Variants in PPP2R2B observed in about 807,000 individuals in gnomAD.
PPP2R2B encodes serine/threonine-protein phosphatase 2A 55 kDa regulatory subunit B beta isoform.
In PPP2R2B, 5 loss-of-function variants were observed where a neutral mutation model predicts 46.0. The ratio of observed to expected loss-of-function variants is 0.11; its 90% CI spans 0.06 to 0.23. The LOEUF (loss-of-function observed/expected upper bound fraction) is 0.23. Ranked by LOEUF, PPP2R2B falls within the 10% of genes least tolerant of loss-of-function variation. The pLI is 1.00. For synonymous variants in PPP2R2B, 215 were observed against 206.7 expected (o/e 1.04, Z -0.34); for missense variants, 367 against 575.0 (o/e 0.64, Z 3.70).
At position 146,691,254 on chromosome 5, in the gene PPP2R2B, C is replaced by T. The variant is rs750985171; in HGVS notation, c.335-14G>A. The T allele has an allele frequency of 8.7e-6, 14 of 1,607,230 alleles. No homozygotes were observed. The highest frequency in any genetic ancestry group is 1.2e-5 in the Non-Finnish European group (14 of 1,174,386). ...TCACAGTTTTATCTGTAGTGGGCAA[C>T]CAGATTAAGTCAGAATTATAGTGAA... On this transcript the variant is annotated splice_polypyrimidine_tract_variant and intron_variant, in intron 4 of 9. Coordinates refer to ENST00000394411, the MANE Select transcript of PPP2R2B (RefSeq NM_181675.4).
chr5:147,030,821 C>A (rs943907674), intron 1 of PPP2R2B, among the ~76,000 whole-genome samples: 1 of 152,052 alleles, frequency 6.6e-6, no homozygotes, highest in African/African-American at 2.4e-5. Flanking sequence ...CTTTACATGA[C>A]GTTATTATTT....
intron 2 of PPP2R2B, among the ~76,000 whole-genome samples, chr5:146,786,865 T>C (rs1446698590): frequency 1.3e-5 from 2 of 152,242 alleles, no homozygotes; most frequent in African/African-American, 4.8e-5. Flanking sequence ...TTTTCTTTAA[T>C]TCAATCATCT....
At chr5:147,077,272 G>GTATA (rs200121786) in intron 2 of PPP2R2B, among the ~76,000 whole-genome samples, 25 of 108,950 alleles carry the variant, frequency 2.3e-4, no homozygotes, top group African/African-American at 8.4e-4. Flanking sequence ...ATGTATGTGT[G>GTATA]TATACACACA....
chr5:146,954,893 C>A (rs1751813743), intron 1 of PPP2R2B, among the ~76,000 whole-genome samples: 1 of 151,940 alleles, frequency 6.6e-6, no homozygotes, highest in African/African-American at 2.4e-5. Flanking sequence ...CAGGTACAAT[C>A]CCATAGTGTA....
At chr5:146,965,466 C>T (rs1047925800) in intron 1 of PPP2R2B, among the ~76,000 whole-genome samples, 6 of 152,128 alleles carry the variant, frequency 3.9e-5, no homozygotes, top group African/African-American at 1.2e-4. Context: ...AGCAACTTTC[C>T]CTCTCTGTGA....
At chr5:147,074,609 T>G (rs944958932) in intron 2 of PPP2R2B, among the ~76,000 whole-genome samples, 1 of 152,160 alleles carries the variant, frequency 6.6e-6, no homozygotes, top group African/African-American at 2.4e-5. Flanking sequence ...TTTTTTCTGG[T>G]GACAGCAAAG....
chr5:147,022,368 T>G (rs1306966674), intron 1 of PPP2R2B, among the ~76,000 whole-genome samples: 3 of 151,222 alleles, frequency 2.0e-5, no homozygotes, highest in Non-Finnish European at 2.9e-5. Flanking sequence ...ACCATCCTGG[T>G]CAACATAATG....
rs924183230 is a variant in PPP2R2B at position 146,901,092 on chromosome 5, T to G, written c.79+154573A>C. ...ATTGTGAATAGCAGCTATATTTTCT[T>G]ATGTAAACATAGCTAAAGATATTTT... On this transcript the variant is annotated intron_variant, in intron 1 of 8. Coordinates refer to the PPP2R2B transcript ENST00000336640. 2.6e-5 allele frequency among the ~76,000 whole-genome samples: 4 copies of G among 152,324 alleles called. No homozygotes were observed. In the East Asian group the frequency reaches 5.8e-4, roughly 22 times the overall value.
chr5:146,828,530 C>G (rs891062932), intron 2 of PPP2R2B, among the ~76,000 whole-genome samples: 4 of 152,164 alleles, frequency 2.6e-5, no homozygotes, highest in African/African-American at 9.7e-5. Flanking sequence ...CCATCTGTGA[C>G]AGCAGAATGT....
chr5:146,891,426 A>C (rs1762488181), intron 1 of PPP2R2B, among the ~76,000 whole-genome samples: 1 of 152,248 alleles, frequency 6.6e-6, no homozygotes, highest in Non-Finnish European at 1.5e-5. Context: ...CATTGTCTAC[A>C]TGGATGCTAG....
At chr5:146,922,619 A>T (rs571470373) in intron 1 of PPP2R2B, 1 of 152,338 alleles carries the variant, frequency 6.6e-6, no homozygotes, top group East Asian at 1.9e-4. Context: ...GGCTTTTGCT[A>T]GTTTAACCCT....
At chr5:146,766,201 A>G (rs1013284002) in intron 2 of PPP2R2B, among the ~76,000 whole-genome samples, 2 of 152,206 alleles carry the variant, frequency 1.3e-5, no homozygotes, top group Non-Finnish European at 2.9e-5. Context: ...ACTGTACCAC[A>G]TACTTAGTAG....
At chr5:146,819,506 A>T (rs1378428180) in intron 2 of PPP2R2B, among the ~76,000 whole-genome samples, 1 of 152,174 alleles carries the variant, frequency 6.6e-6, no homozygotes, top group African/African-American at 2.4e-5. Context: ...TCAACTCCTG[A>T]CCTTCCTAAC....
At chr5:146,668,436 T>A (rs1191039196) in intron 5 of PPP2R2B, among the ~76,000 whole-genome samples, 1 of 152,290 alleles carries the variant, frequency 6.6e-6, no homozygotes, top group South Asian at 2.1e-4. Flanking sequence ...TTCCCCCCAC[T>A]TCCCTGCCAA....
At chr5:146,896,856 C>T (rs1480090873) in intron 1 of PPP2R2B, among the ~76,000 whole-genome samples, 1 of 151,650 alleles carries the variant, frequency 6.6e-6, no homozygotes, top group African/African-American at 2.4e-5. Context: ...CTCAGACTGT[C>T]AAAAAAAGAT....
intron 1 of PPP2R2B, among the ~76,000 whole-genome samples, chr5:146,979,226 T>A (rs1753053533): frequency 6.6e-6 from 1 of 152,190 alleles, no homozygotes; most frequent in Non-Finnish European, 1.5e-5. Context: ...ACCTTCTTAA[T>A]GTTTTTGTTC....
rs886420221 is a variant in PPP2R2B at position 146,790,717 on chromosome 5, C to T, written c.70+87285G>A. On this transcript the variant is annotated intron_variant, in intron 2 of 9. Coordinates refer to ENST00000394411, the MANE Select transcript of PPP2R2B (RefSeq NM_181675.4). Reference sequence around the variant, plus strand: ...CCACCTGTGATAAACCTCACACTCTCCTTCTCTTGCCTCAGACACCTAGAT... The same window carrying T: ...CCACCTGTGATAAACCTCACACTCTTCTTCTCTTGCCTCAGACACCTAGAT... 2.6e-5 allele frequency among the ~76,000 whole-genome samples: 4 copies of T among 152,236 alleles called. No homozygotes were observed. The East Asian group carries it at 7.7e-4, about 29-fold the overall frequency.
chr5:146,791,960 T>C (rs564456075), intron 2 of PPP2R2B, among the ~76,000 whole-genome samples: 2 of 152,212 alleles, frequency 1.3e-5, no homozygotes, highest in African/African-American at 2.4e-5. Context: ...TTACTGAATA[T>C]AGGGAATAGA....
chr5:146,825,175 T>C (rs539792007), intron 2 of PPP2R2B, among the ~76,000 whole-genome samples: 13 of 152,330 alleles, frequency 8.5e-5, no homozygotes, highest in African/African-American at 2.9e-4. Flanking sequence ...GCCGACGTTA[T>C]CACATAGACA....
Sources: gnomAD v4.1 joint callset for allele counts (sites outside exome capture counted in the v4.1 genomes callset) on GRCh38, gnomAD v4.1.1 for gene constraint, MANE v1.5 for transcripts, NCBI Gene and HGNC (gene_info 2026-07-23, HGNC 2026-07-21) for gene names.